Variants in ARHGAP4 observed in about 807,000 individuals in gnomAD.
ARHGAP4 encodes the protein Rho GTPase activating protein 4.
In ARHGAP4, 25 loss-of-function variants were observed where a neutral mutation model predicts 67.6. The ratio of observed to expected loss-of-function variants is 0.37; its 90% CI spans 0.27 to 0.52. ARHGAP4 has a LOEUF of 0.52. Among genes scored for constraint, ARHGAP4 ranks in the 20% least tolerant of loss-of-function variants. The probability of loss-of-function intolerance (pLI) is 0.92; values close to 1 mark genes in which losing one functional copy is unlikely to be tolerated. For synonymous variants in ARHGAP4, 448 were observed against 373.7 expected (o/e 1.20, Z -2.29); for missense variants, 804 against 854.6 (o/e 0.94, Z 0.74).
rs147816239 is a variant in ARHGAP4, at chrX:153,909,495, C to A, written c.2455G>T (p.Gly819Trp). ...CCCTCGGGACTGCTCCCAGACTCCC[C>A]TGCAGTCTGCAGCCCTGCGCCCACC... ...QVVGAGLQTA[G>W]ESGSSPEGLL... The change falls in exon 20 of 22, where the codon GGG (glycine) becomes TGG (tryptophan). Residue 819 changes from glycine to tryptophan, a missense_variant. Coordinates refer to ENST00000350060, the MANE Select transcript of ARHGAP4 (RefSeq NM_001666.5). The A allele has an allele frequency of 3.3e-6, 4 of 1,208,835 alleles. No homozygotes were observed. The African/African-American group carries it at 7.0e-5, about 21-fold the overall frequency.
At chrX:153,915,854 C>T (rs1284612008) in intron 7 of ARHGAP4, among the ~76,000 whole-genome samples, 1 of 112,043 alleles carries the variant, frequency 8.9e-6, no homozygotes, top group African/African-American at 3.3e-5. Context: ...TAAACTCACA[C>T]GATCAGCAGA....
chrX:153,920,782 G>T lies in ARHGAP4; in HGVS notation c.525C>A (p.His175Gln). The change falls in exon 5 of 22, where the codon CAC becomes CAA. Residue 175 changes from histidine to glutamine, a missense_variant. By Grantham distance (24) the His-to-Gln change is conservative. Around this residue, in one of 2 missense-constraint regions of ARHGAP4, gnomAD observed 404 missense variants for 505.9 expected, o/e 0.80. Transcript: ENST00000350060. ...QTAKKTYQAY[H>Q]MESVNAEAKL... is the part of the protein sequence containing the mutation. ...TGGCCTCGGCATTCACGCTCTCCAT[G>T]TGATATGCCTGGTACGTCTTCTTGG... 2 of 1,212,230 alleles carry T rather than the reference G, an allele frequency of 1.6e-6. No individual in the cohort carries two copies. Among genetic ancestry groups the T allele is most frequent in the Non-Finnish European group, 2.2e-6 (2 of 895,615 alleles).
chrX:153,917,194 C>T (rs1237093631), intron 7 of ARHGAP4, among the ~76,000 whole-genome samples: 4 of 109,690 alleles, frequency 3.6e-5, no homozygotes, highest in South Asian at 4.0e-4. Context: ...CTAGCCTGGG[C>T]GACAGAGAAA....
chrX:153,918,793 G>A (rs782359102), intron 7 of ARHGAP4, 39 bp downstream of exon 7: 22 of 1,180,076 alleles, frequency 1.9e-5, no homozygotes, highest in Non-Finnish European at 2.5e-5. Flanking sequence ...TTACAGTGAA[G>A]GCCAGAGAAT....
Position 153,910,399 on chromosome X carries a change from G to A in ARHGAP4, c.1928C>T (p.Ala643Val), listed in dbSNP as rs2065009819. The A allele has an allele frequency of 8.4e-7, 1 of 1,195,778 alleles. No homozygotes were observed. Among genetic ancestry groups the A allele is most frequent in the Non-Finnish European group, 1.1e-6 (1 of 885,657 alleles). Residue 643 changes from alanine (A) to valine (V), a missense_variant, in exon 17 of 22, where the codon GCC (alanine) becomes GTC (valine). Ala to Val is a moderately conservative substitution (Grantham distance 64, BLOSUM62 0). Transcript: ENST00000350060. The stretch of plus-strand genomic sequence containing the variant: ...CATCATGTTCTCATCGCTGTACTGG[G>A]CCAGGCTGGGGGGACACGCACATCA... ...RYLFTFLNHL[A>V]QYSDENMMDP...
At position 153,921,515 on chromosome X, in the gene ARHGAP4, G is replaced by T. The variant is rs1364205181; in HGVS notation, c.285C>A (p.Ser95=). The part of the protein sequence containing the change: ...REHQSFRKEP[S]LLSPLHCWAV... The stretch of plus-strand genomic sequence containing the variant: ...CCCAGCAGTGCAAGGGCGACAGGAG[G>T]GACGGCTCCTTCCTGGGGGTAGAGG... The change falls in exon 3 of 22, where the codon TCC becomes TCA. Residue 95 remains serine, a synonymous_variant. Transcript: ENST00000350060. The T allele has an allele frequency of 2.5e-6, 3 of 1,193,379 alleles. No individual in the cohort carries two copies. In the Admixed American group the frequency reaches 6.8e-5, roughly 27 times the overall value.
At chrX:153,909,639 C>G in intron 19 of ARHGAP4, 102 bp downstream of exon 19, 2 of 1,096,291 alleles carry the variant, frequency 1.8e-6, no homozygotes, top group African/African-American at 1.8e-5. Context: ...GCTCTGTTCT[C>G]TGGCCCAGCC....
chrX:153,920,095 C>T (rs2065082805), intron 5 of ARHGAP4, among the ~76,000 whole-genome samples: 1 of 112,043 alleles, frequency 8.9e-6, no homozygotes, highest in African/African-American at 3.2e-5. Flanking sequence ...AAAGCTGGCA[C>T]GCTAACCACA....
At chrX:153,912,043 C>T (rs782320962) in intron 12 of ARHGAP4, among the ~76,000 whole-genome samples, 7 of 112,154 alleles carry the variant, frequency 6.2e-5, no homozygotes, top group Non-Finnish European at 1.1e-4. Context: ...TTCTGGTATT[C>T]TCCATGCCTG....
chrX:153,912,681 T>G lies in ARHGAP4; in HGVS notation c.1542+19A>C. The stretch of plus-strand genomic sequence containing the variant: ...ATCAGCATGTACAGGTGGGCTGGCA[T>G]GTGGGGCAAAGCTAGTACCTGGATA... On this transcript the variant is annotated intron_variant, in intron 12 of 21. Transcript: ENST00000350060. 1.7e-6 allele frequency: 2 copies of G among 1,173,296 alleles called. No individual in the cohort carries two copies. Among genetic ancestry groups the G allele is most frequent in the South Asian group, 3.6e-5 (2 of 54,989 alleles).
Position 153,909,777 on chromosome X carries a change from C to T in ARHGAP4, c.2378G>A (p.Gly793Asp). The T allele has an allele frequency of 8.3e-7, 1 of 1,200,576 alleles. No individual in the cohort carries two copies. Among genetic ancestry groups the T allele is most frequent in the Non-Finnish European group, 1.1e-6 (1 of 890,692 alleles). ...CGTGATATACTTGTGGGGGATGAGG[C>T]CCCGCATGCCGTTGTGCTCCCCCCG... ...WWRGEHNGMRGLIPHKYITLP... is the reference protein window; with the variant it reads ...WWRGEHNGMRDLIPHKYITLP... Residue 793 changes from glycine to aspartate, a missense_variant, in exon 19 of 22, where the codon GGC becomes GAC. Physicochemically the swap from Gly to Asp is moderately conservative, Grantham distance 94 (BLOSUM62 -1). Transcript: ENST00000350060.
intron 21 of ARHGAP4, 71 bp downstream of exon 21, chrX:153,908,999 G>C: frequency 9.1e-7 from 1 of 1,095,861 alleles, no homozygotes. Flanking sequence ...GGAGGGAGGA[G>C]TTTGGCTTCC....
At chrX:153,919,614 C>G (rs1445919948) in intron 5 of ARHGAP4, 1 of 1,165,110 alleles carries the variant, frequency 8.6e-7, no homozygotes, top group African/African-American at 1.8e-5. Flanking sequence ...GGAGGGTGCA[C>G]GAGAAACCCA....
At chrX:153,918,095 G>A (rs1302123341) in intron 7 of ARHGAP4, among the ~76,000 whole-genome samples, 1 of 113,023 alleles carries the variant, frequency 8.8e-6, no homozygotes, top group Non-Finnish European at 1.9e-5. Context: ...GTCCAAGGAA[G>A]GACATGTGAT....
chrX:153,921,389 C>T lies in ARHGAP4; in HGVS notation c.411G>A (p.Glu137=). 8.3e-7 allele frequency: 1 copy of T among 1,211,118 alleles called. No homozygotes were observed. The highest frequency in any genetic ancestry group is 1.8e-5 in the South Asian group (1 of 57,000). ...CCTTCTTGACCAGGCGCCCCACGTC[C>T]TCTGCAATGTGACTCAGGCGCTGGG... is the stretch of plus-strand genomic sequence containing the variant. ...PLAQRLSHIA[E]DVGRLVKKSR... Residue 137 remains glutamate, a synonymous_variant, in exon 3 of 22, where the codon GAG becomes GAA. Coordinates refer to ENST00000350060, the MANE Select transcript of ARHGAP4 (RefSeq NM_001666.5).
intron 18 of ARHGAP4, 32 bp from the exon 19 acceptor site, chrX:153,909,956 G>A: frequency 4.1e-6 from 5 of 1,209,275 alleles, no homozygotes; most frequent in South Asian, 1.8e-5. Flanking sequence ...AGCTGTGGGA[G>A]GGGGTGTGGA....
At position 153,921,422 on chromosome X, in the gene ARHGAP4, C is replaced by T; in HGVS notation, c.378G>A (p.Gly126=). Residue 126 remains glycine, a synonymous_variant, in exon 3 of 22, where the codon GGG becomes GGA. Transcript: ENST00000350060. ...TGTGACTCAGGCGCTGGGCCAGGGG[C>T]CCGGCCAGCACCTCACTCAGGGCCG... The part of the protein sequence containing the change: ...ESAALSEVLA[G]PLAQRLSHIA... 2 of 1,210,290 alleles carry T rather than the reference C, an allele frequency of 1.7e-6. No homozygotes were observed. Among genetic ancestry groups the T allele is most frequent in the South Asian group, 1.8e-5 (1 of 56,867 alleles).
chrX:153,922,340 G>A (rs1557105540), intron 1 of ARHGAP4: 2 of 758,634 alleles, frequency 2.6e-6, no homozygotes, highest in African/African-American at 4.6e-5. Flanking sequence ...CAGGCCCCAG[G>A]GGAAAGGACA....
chrX:153,911,400 G>A (rs1557103276), intron 12 of ARHGAP4, among the ~76,000 whole-genome samples: 1 of 110,273 alleles, frequency 9.1e-6, no homozygotes, highest in African/African-American at 3.3e-5. Flanking sequence ...GGGATTACAG[G>A]CATGAGCCAC....
Sources: allele counts gnomAD v4.1 joint callset (sites outside exome capture counted in the v4.1 genomes callset), GRCh38; gene constraint gnomAD v4.1.1; regional missense constraint gnomAD v4.1.1; transcripts MANE v1.5; gene names NCBI Gene and HGNC (gene_info 2026-07-23, HGNC 2026-07-21).